The following TRPM3 variants were observed in gnomAD, a reference collection of about 807,000 sequenced individuals.
TRPM3 encodes the protein long transient receptor potential channel 3.
In TRPM3, 77 loss-of-function variants were observed where a neutral mutation model predicts 181.2. That is an observed-to-expected ratio of 0.42 (90% CI 0.35 to 0.51). TRPM3 has a LOEUF of 0.51. TRPM3 is among the 20% of genes least tolerant of loss of function. The pLI is 0.01. For synonymous variants in TRPM3, 745 were observed against 796.4 expected, an observed-to-expected ratio of 0.94 and a Z score of 1.09; for missense variants, 1,759 against 2,196.7, an observed-to-expected ratio of 0.80 and a Z score of 3.98.
rs1590906113 is a variant in TRPM3, at chr9:71,041,590, T to G, written c.177+79588A>C. ...CGATGCATAGAAAAAGGCTGTTATT[T>G]CCCACTCGACCCAGCTCAGAGAAAA... On this transcript the variant is annotated intron_variant, in intron 1 of 25. Coordinates refer to ENST00000677713, the MANE Select transcript of TRPM3 (RefSeq NM_001366145.2). 3.9e-5 allele frequency among the ~76,000 whole-genome samples: 6 copies of G among 152,156 alleles called. 1 individual carries two copies. The South Asian group carries it at 1.2e-3, about 31-fold the overall frequency.
intron 5 of TRPM3, among the ~76,000 whole-genome samples, chr9:70,831,983 A>G (rs797001540): frequency 1.9e-5 from 2 of 103,424 alleles, no homozygotes; most frequent in Admixed American, 9.5e-5. Flanking sequence ...ATATATATAT[A>G]TATATATATA....
intron 1 of TRPM3, among the ~76,000 whole-genome samples, chr9:70,998,416 A>G (rs2097566383): frequency 6.6e-6 from 1 of 151,982 alleles, no homozygotes; most frequent in African/African-American, 2.4e-5. Context: ...TTTCCCATGT[A>G]TGTCCTGCCC....
At chr9:70,610,889 C>T (rs1235018907) in intron 18 of TRPM3, 140 bp from the exon 19 acceptor site, 6 of 918,908 alleles carry the variant, frequency 6.5e-6, no homozygotes, top group Non-Finnish European at 9.8e-6. Context: ...TTGTACCTTC[C>T]CTAAGAGTGC....
intron 21 of TRPM3, among the ~76,000 whole-genome samples, chr9:70,593,917 A>G (rs1328672284): frequency 6.8e-6 from 1 of 147,364 alleles, no homozygotes; most frequent in Admixed American, 6.8e-5. Context: ...TATAATATAC[A>G]TTATAATGTA....
chr9:71,240,663 C>T lies in TRPM3; in HGVS notation c.183+205990G>A, dbSNP rs529065099. On this transcript the variant is annotated intron_variant, in intron 1 of 24. Coordinates refer to the TRPM3 transcript ENST00000357533. ...TCTTCTCTTGTTGGAACAAAGATAG[C>T]AATTTGTAAAAAAAGTTATTTTAAG... Among the ~76,000 whole-genome samples the T allele has an allele frequency of 1.2e-3, 182 of 150,280 alleles. 1 individual carries two copies. The highest frequency in any genetic ancestry group is 4.4e-3 in the African/African-American group (176 of 39,808).
chr9:70,989,149 A>G (rs542776397), intron 1 of TRPM3, among the ~76,000 whole-genome samples: 140 of 152,322 alleles, frequency 9.2e-4, no homozygotes, highest in African/African-American at 3.2e-3. Context: ...CATACACTAT[A>G]TACATATCAT....
chr9:71,430,091 T>C (rs1420112828), intron 1 of TRPM3, among the ~76,000 whole-genome samples: 15 of 152,220 alleles, frequency 9.9e-5, no homozygotes, highest in Non-Finnish European at 1.5e-5. Context: ...AATCACTAGA[T>C]ATTTTATTAC....
At chr9:70,843,219 G>C in intron 4 of TRPM3, 92 bp from the exon 5 acceptor site, 2 of 1,342,842 alleles carry the variant, frequency 1.5e-6, no homozygotes, top group South Asian at 2.8e-5. Flanking sequence ...TTCTCCCGAG[G>C]TTAAATAAAT....
At chr9:71,205,374 T>C (rs937009794) in intron 1 of TRPM3, among the ~76,000 whole-genome samples, 6 of 152,104 alleles carry the variant, frequency 3.9e-5, no homozygotes, top group African/African-American at 1.2e-4. Flanking sequence ...CAGCCCAAAA[T>C]GAATTTAACA....
At position 71,056,070 on chromosome 9, in the gene TRPM3, G is replaced by T. The variant is rs565683134; in HGVS notation, c.177+65108C>A. Among the ~76,000 whole-genome samples the T allele has an allele frequency of 5.3e-5, 8 of 152,100 alleles. No individual in the cohort carries two copies. The South Asian group carries it at 1.7e-3, about 31-fold the overall frequency. On this transcript the variant is annotated intron_variant, in intron 1 of 25. Coordinates refer to ENST00000677713, the MANE Select transcript of TRPM3 (RefSeq NM_001366145.2). Reference sequence around the variant, plus strand: ...CCCAATTTTACACATGAATGGACTAGACCTAGAGCAAATTTTTCCAAGGAC... The same window carrying T: ...CCCAATTTTACACATGAATGGACTATACCTAGAGCAAATTTTTCCAAGGAC...
chr9:70,968,201 T>C (rs1298724234), intron 1 of TRPM3, among the ~76,000 whole-genome samples: 3 of 152,170 alleles, frequency 2.0e-5, no homozygotes, highest in Non-Finnish European at 4.4e-5. Context: ...ATAATAGGTA[T>C]ACAATGTGCT....
intron 1 of TRPM3, among the ~76,000 whole-genome samples, chr9:70,875,299 A>G (rs1164469824): frequency 6.6e-6 from 1 of 151,892 alleles, no homozygotes; most frequent in African/African-American, 2.4e-5. Flanking sequence ...TCCCTCATTA[A>G]CGTGTACAAG....
At chr9:70,995,008 A>G (rs1453455239) in intron 1 of TRPM3, among the ~76,000 whole-genome samples, 1 of 152,228 alleles carries the variant, frequency 6.6e-6, no homozygotes, top group Non-Finnish European at 1.5e-5. Flanking sequence ...CTCCTGGATC[A>G]ACAACCACAA....
At chr9:71,056,445 G>C (rs913270254) in intron 1 of TRPM3, among the ~76,000 whole-genome samples, 1 of 152,014 alleles carries the variant, frequency 6.6e-6, no homozygotes, top group Non-Finnish European at 1.5e-5. Context: ...TGTCCTGTTA[G>C]AGTGTCACAC....
intron 6 of TRPM3, among the ~76,000 whole-genome samples, chr9:70,812,920 T>A (rs941542640): frequency 6.6e-6 from 1 of 152,144 alleles, no homozygotes; most frequent in South Asian, 2.1e-4. Flanking sequence ...ATTTTCTTAA[T>A]TACCTTTCAG....
Position 71,255,967 on chromosome 9 carries a change from G to GA in TRPM3, c.183+190685dup, listed in dbSNP as rs111419672. On this transcript the variant is annotated intron_variant, in intron 1 of 24. Coordinates refer to the TRPM3 transcript ENST00000357533. ...CCAAGAGTGGGTGGTTAAATCAAAA[G>GA]AAAAAAAATCGATTTATTGCTTCTC... 6.2e-3 allele frequency among the ~76,000 whole-genome samples: 946 copies of GA among 151,876 alleles called. 14 individuals are homozygous for GA. The highest frequency in any genetic ancestry group is 0.021 in the African/African-American group (876 of 41,446).
At chr9:71,325,000 G>A (rs578137289) in intron 1 of TRPM3, among the ~76,000 whole-genome samples, 27 of 151,966 alleles carry the variant, frequency 1.8e-4, no homozygotes, top group Non-Finnish European at 2.6e-4. Context: ...ACAAATATAC[G>A]GTAAGAAGAA....
chr9:71,442,235 G>A (rs1482206771), intron 1 of TRPM3, among the ~76,000 whole-genome samples: 1 of 152,212 alleles, frequency 6.6e-6, no homozygotes, highest in African/African-American at 2.4e-5. Flanking sequence ...CTGCTGATAA[G>A]GGTAATTATA....
rs1441997133 is a variant in TRPM3, at chr9:71,126,820, CAG to C, written c.184-262311_184-262310del. On this transcript the variant is annotated intron_variant, in intron 1 of 24. Coordinates refer to the TRPM3 transcript ENST00000357533. ...CCCTCTGCACAAATGCCTGTGGTGA[CAG>C]AGAGTGGGTGAGTTTTTCAGACAGC... Among the ~76,000 whole-genome samples, 3 of 152,130 alleles carry C rather than the reference CAG, an allele frequency of 2.0e-5. 1 individual carries two copies. In the South Asian group the frequency reaches 6.2e-4, roughly 32 times the overall value.
Sources: gnomAD v4.1 joint callset for allele counts (sites outside exome capture counted in the v4.1 genomes callset) on GRCh38, gnomAD v4.1.1 for gene constraint, MANE v1.5 for transcripts, NCBI Gene and HGNC (gene_info 2026-07-23, HGNC 2026-07-21) for gene names.